UNC13C: variants seen among roughly 807,000 people sequenced by gnomAD.
UNC13C encodes unc-13 homolog C, also known as protein unc-13 homolog C.
In UNC13C, 174 loss-of-function variants were observed where a neutral mutation model predicts 245.4. The observed-to-expected ratio is 0.71, with a 90% CI of 0.63 to 0.80. The LOEUF (loss-of-function observed/expected upper bound fraction) is 0.80. Among genes scored for constraint, UNC13C ranks in the 30% least tolerant of loss-of-function variants. The probability of loss-of-function intolerance (pLI) is 0.00; values close to 1 mark genes in which losing one functional copy is unlikely to be tolerated. For missense variants in UNC13C, 2,829 were observed against 2,602.9 expected (o/e 1.09, Z -1.89); for synonymous variants, 992 against 895.1 (o/e 1.11, Z -1.93).
At chr15:54,615,572 C>T (rs747026132) in intron 30 of UNC13C, among the ~76,000 whole-genome samples, 61 of 152,122 alleles carry the variant, frequency 4.0e-4, no homozygotes, top group Non-Finnish European at 6.2e-4. Flanking sequence ...TCTCTCTGCT[C>T]GATAGTCATG....
chr15:54,305,565 A>G (rs1438195793), intron 13 of UNC13C, among the ~76,000 whole-genome samples: 5 of 152,120 alleles, frequency 3.3e-5, no homozygotes, highest in Non-Finnish European at 7.4e-5. Flanking sequence ...TGACTAATGA[A>G]TAGGTATTTT....
At chr15:54,494,987 C>T (rs1448305239) in intron 20 of UNC13C, among the ~76,000 whole-genome samples, 1 of 151,992 alleles carries the variant, frequency 6.6e-6, no homozygotes, top group African/African-American at 2.4e-5. Flanking sequence ...AGACATGGCT[C>T]ATGTGATAAC....
chr15:54,336,713 G>A (rs1192672255), intron 16 of UNC13C, among the ~76,000 whole-genome samples: 1 of 151,994 alleles, frequency 6.6e-6, no homozygotes, highest in African/African-American at 2.4e-5. Flanking sequence ...AGTTCCAGCA[G>A]CATTTATTAG....
intron 19 of UNC13C, among the ~76,000 whole-genome samples, chr15:54,466,676 C>CAA (rs1892189054): frequency 6.6e-6 from 1 of 151,882 alleles, no homozygotes; most frequent in Non-Finnish European, 1.5e-5. Context: ...CACCCACACA[C>CAA]ACATATTTGT....
chr15:54,014,756 A>C lies in UNC13C; in HGVS notation c.1853A>C (p.Glu618Ala). 6.2e-7 allele frequency: 1 copy of C among 1,613,904 alleles called. No individual in the cohort carries two copies. Among genetic ancestry groups the C allele is most frequent in the Non-Finnish European group, 8.5e-7 (1 of 1,179,830 alleles). Reference protein sequence around the residue: ...GGVQGIQGQTETENTETVDSG... With the variant: ...GGVQGIQGQTATENTETVDSG... ...GTTCAGGGTATCCAAGGGCAGACTG[A>C]AACTGAAAACACAGAAACTGTGGAT... The change falls in exon 2 of 33, where the codon GAA (glutamate) becomes GCA (alanine). Residue 618 changes from glutamate to alanine, a missense_variant. Physicochemically the swap from Glu to Ala is moderately radical, Grantham distance 107. Transcript: ENST00000260323.
intron 4 of UNC13C, among the ~76,000 whole-genome samples, chr15:54,202,042 C>A (rs1447562708): frequency 1.3e-5 from 2 of 151,392 alleles, no homozygotes; most frequent in East Asian, 3.9e-4. Flanking sequence ...AGAATCAAAT[C>A]AAGAACTCAA....
At chr15:53,887,358 A>G in the UNC13C span, among the ~76,000 whole-genome samples, 1 of 152,152 alleles carries the variant, frequency 6.6e-6, no homozygotes, top group Non-Finnish European at 1.5e-5. Context: ...AATTCATTTT[A>G]TTATAGGAAA....
chr15:54,106,761 A>G (rs1900468751), intron 2 of UNC13C, among the ~76,000 whole-genome samples: 2 of 152,230 alleles, frequency 1.3e-5, no homozygotes, highest in South Asian at 4.1e-4. Context: ...AAAACCGACC[A>G]AAATATCAAA....
chr15:54,249,699 C>G (rs998941822), intron 7 of UNC13C, among the ~76,000 whole-genome samples: 1 of 152,046 alleles, frequency 6.6e-6, no homozygotes, highest in East Asian at 1.9e-4. Context: ...GGGAGAGTGC[C>G]TCATTTGACC....
At chr15:54,249,109 A>G (rs553677044) in intron 7 of UNC13C, among the ~76,000 whole-genome samples, 1 of 152,234 alleles carries the variant, frequency 6.6e-6, no homozygotes, top group East Asian at 1.9e-4. Flanking sequence ...TGTAAATGTA[A>G]CCTCTAAGAG....
At chr15:54,250,858 G>A (rs569032401) in intron 8 of UNC13C, among the ~76,000 whole-genome samples, 3 of 142,344 alleles carry the variant, frequency 2.1e-5, no homozygotes, top group South Asian at 2.4e-4. Context: ...CTGGGTTCAC[G>A]CCATTCTCCG....
At chr15:54,269,350 C>G (rs2036627766) in intron 10 of UNC13C, among the ~76,000 whole-genome samples, 1 of 151,796 alleles carries the variant, frequency 6.6e-6, no homozygotes, top group Non-Finnish European at 1.5e-5. Flanking sequence ...TCCCTCTTGA[C>G]TAGAATAGAA....
At chr15:54,587,017 C>G (rs150351804) in intron 30 of UNC13C, among the ~76,000 whole-genome samples, 12 of 152,240 alleles carry the variant, frequency 7.9e-5, no homozygotes, top group Admixed American at 2.6e-4. Flanking sequence ...ATTTAATCAC[C>G]CCTAGATTCA....
intron 2 of UNC13C, among the ~76,000 whole-genome samples, chr15:54,134,349 T>A (rs1384976715): frequency 1.3e-5 from 2 of 151,862 alleles, no homozygotes; most frequent in Non-Finnish European, 2.9e-5. Context: ...TCACCTAGTA[T>A]ATGTCCTCTA....
intron 30 of UNC13C, among the ~76,000 whole-genome samples, chr15:54,569,583 T>C (rs989985557): frequency 1.3e-5 from 2 of 151,884 alleles, no homozygotes; most frequent in Non-Finnish European, 2.9e-5. Context: ...CATACATCTA[T>C]GTATGTTTGT....
intron 12 of UNC13C, among the ~76,000 whole-genome samples, chr15:54,298,408 G>A (rs886907873): frequency 6.6e-6 from 1 of 152,152 alleles, no homozygotes; most frequent in Non-Finnish European, 1.5e-5. Context: ...ACATAAAAAT[G>A]TGGTGCTGTT....
chr15:54,215,104 A>T (rs2035000921), intron 4 of UNC13C, among the ~76,000 whole-genome samples: 2 of 151,940 alleles, frequency 1.3e-5, no homozygotes, highest in South Asian at 4.1e-4. Flanking sequence ...TGCAAGCTCT[A>T]GAAAAGTCTG....
At chr15:53,853,194 G>A in the UNC13C span, among the ~76,000 whole-genome samples, 2 of 152,010 alleles carry the variant, frequency 1.3e-5, no homozygotes, top group African/African-American at 2.4e-5. Context: ...ACTGCAATAG[G>A]CCTCAGTGTG....
chr15:54,237,799 A>G (rs7183952), intron 7 of UNC13C, 109 bp downstream of exon 7: 398,793 of 921,590 alleles, frequency 0.43, 90,525 homozygotes, highest in African/African-American at 0.69. Flanking sequence ...CCAATGTTCC[A>G]GAAATAACTG....
Sources: allele counts gnomAD v4.1 joint callset (sites outside exome capture counted in the v4.1 genomes callset), GRCh38; gene constraint gnomAD v4.1.1; transcripts MANE v1.5; gene names NCBI Gene and HGNC (gene_info 2026-07-23, HGNC 2026-07-21).